The following PRKG1 variants were observed in gnomAD, a reference collection of about 807,000 sequenced individuals.
The protein encoded by PRKG1 is cGMP-dependent protein kinase 1.
PRKG1 carries 35 observed loss-of-function variants against 88.1 expected under a neutral mutation model. The ratio of observed to expected loss-of-function variants is 0.40; its 90% CI spans 0.30 to 0.53. PRKG1 has a LOEUF of 0.53. Among genes scored for constraint, PRKG1 ranks in the 20% least tolerant of loss-of-function variants. The pLI is 0.59. For missense variants in PRKG1, 540 were observed against 839.8 expected (o/e 0.64, Z 4.41); for synonymous variants, 303 against 292.5 (o/e 1.04, Z -0.37).
At chr10:51,459,927 C>T (rs143991045) in intron 2 of PRKG1, among the ~76,000 whole-genome samples, 1 of 152,230 alleles carries the variant, frequency 6.6e-6, no homozygotes, top group African/African-American at 2.4e-5. Flanking sequence ...TTGTAATTTA[C>T]ATTTGGTGGA....
At chr10:51,295,887 A>G (rs2132229970) in intron 2 of PRKG1, among the ~76,000 whole-genome samples, 1 of 152,284 alleles carries the variant, frequency 6.6e-6, no homozygotes, top group Non-Finnish European at 1.5e-5. Context: ...TCATGAAAGA[A>G]TGATGAACTT....
intron 1 of PRKG1, among the ~76,000 whole-genome samples, chr10:51,125,812 TA>T (rs1262647052): frequency 2.1e-5 from 3 of 143,614 alleles, no homozygotes; most frequent in South Asian, 4.2e-4. Context: ...TAAATTTATT[TA>T]AAAATTATAA....
At position 52,054,201 on chromosome 10, in the gene PRKG1, A is replaced by G. The variant is rs143782674; in HGVS notation, c.763-283A>G. ...AAAATGAGCATTATAGCACACCAGCATGGCACATGCATACATATGTAACTA... is the reference window on the plus strand; with the variant it reads ...AAAATGAGCATTATAGCACACCAGCGTGGCACATGCATACATATGTAACTA... On this transcript the variant is annotated intron_variant, in intron 5 of 17. Transcript: ENST00000373980. Among the ~76,000 whole-genome samples, 1,714 of 152,344 alleles carry G rather than the reference A, an allele frequency of 0.011. 42 individuals carry two copies. The highest frequency in any genetic ancestry group is 0.038 in the African/African-American group (1,573 of 41,580).
At chr10:51,556,786 T>C (rs1490943935) in intron 3 of PRKG1, among the ~76,000 whole-genome samples, 2 of 152,016 alleles carry the variant, frequency 1.3e-5, no homozygotes, top group African/African-American at 4.8e-5. Context: ...GGTCACTACC[T>C]GGGCAACAGG....
rs1276404605 is a variant in PRKG1, at chr10:51,544,204, TC to T, written c.592+76373del. On this transcript the variant is annotated intron_variant, in intron 3 of 17. Coordinates refer to ENST00000373980, the MANE Select transcript of PRKG1 (RefSeq NM_006258.4). ...TTCTCCTAATGCTATCCCTCCCCCC[TC>T]CCCCACCACCCCAAAACAGGCCCCA... is the stretch of plus-strand genomic sequence containing the variant. Among the ~76,000 whole-genome samples the T allele has an allele frequency of 0.026, 618 of 23,946 alleles. 18 individuals are homozygous for T. The East Asian group carries it at 0.32, about 12-fold the overall frequency. The allele number at this position is 23,946 out of a possible 152,430, so 15.7% of individuals were successfully genotyped here.
At chr10:51,695,183 G>C (rs905597972) in intron 3 of PRKG1, among the ~76,000 whole-genome samples, 1 of 152,148 alleles carries the variant, frequency 6.6e-6, no homozygotes, top group Non-Finnish European at 1.5e-5. Flanking sequence ...AATGTTGTCA[G>C]TAATGAAGAT....
rs141957355 is a variant in PRKG1, at chr10:51,629,548, C to T, written c.592+161712C>T. On this transcript the variant is annotated intron_variant, in intron 3 of 17. Coordinates refer to ENST00000373980, the MANE Select transcript of PRKG1 (RefSeq NM_006258.4). ...TTTGATTGCTGTCGCTGCAGAAAAC[C>T]CTGCTTCACAAACATAAGATGTTGG... Among the ~76,000 whole-genome samples the T allele has an allele frequency of 3.3e-3, 495 of 151,954 alleles. 1 individual carries two copies. The highest frequency in any genetic ancestry group is 0.011 in the African/African-American group (468 of 41,432).
intron 8 of PRKG1, among the ~76,000 whole-genome samples, chr10:52,141,160 T>A (rs1009872173): frequency 6.6e-6 from 1 of 152,110 alleles, no homozygotes; most frequent in Non-Finnish European, 1.5e-5. Context: ...TCTCAAAAAA[T>A]GTGTATTAAG....
Position 52,295,377 on chromosome 10 carries a change from A to T in PRKG1, c.*1477A>T, listed in dbSNP as rs1236941335. 2 of 152,036 alleles carry T rather than the reference A, an allele frequency of 1.3e-5. No individual in the cohort carries two copies. The highest frequency in any genetic ancestry group is 3.9e-4 in the East Asian group (2 of 5,190). 9.4% of individuals were successfully genotyped at this position (152,036 alleles called of 1,614,324 possible). On this transcript the variant is annotated 3_prime_UTR_variant, in exon 18 of 18. Transcript: ENST00000373980. ...AAAATAGAATTACTACAATTCTGCAATTTCATACTACCTAAAAAAGACTAG... is the reference window on the plus strand; with the variant it reads ...AAAATAGAATTACTACAATTCTGCATTTTCATACTACCTAAAAAAGACTAG...
chr10:52,220,443 G>T (rs1039886045), intron 9 of PRKG1, among the ~76,000 whole-genome samples: 1 of 151,946 alleles, frequency 6.6e-6, no homozygotes, highest in Non-Finnish European at 1.5e-5. Context: ...AAGTTCAGGG[G>T]TGCATGTGCA....
upstream of PRKG1, among the ~76,000 whole-genome samples, chr10:51,070,417 A>T (rs1253238039): frequency 6.6e-6 from 1 of 152,114 alleles, no homozygotes; most frequent in African/African-American, 2.4e-5. Flanking sequence ...TGTTACTTTT[A>T]GCAATCTTCT....
intron 2 of PRKG1, among the ~76,000 whole-genome samples, chr10:51,399,943 A>G (rs577509343): frequency 4.6e-5 from 7 of 152,188 alleles, no homozygotes. Flanking sequence ...TTTTGGCTGT[A>G]GGAGTTCTGG....
intron 14 of PRKG1, among the ~76,000 whole-genome samples, chr10:52,288,232 C>T (rs767415900): frequency 6.6e-6 from 1 of 151,970 alleles, no homozygotes; most frequent in Non-Finnish European, 1.5e-5. Flanking sequence ...CCTTCCAGAC[C>T]AAATAAGTAA....
chr10:51,555,797 A>G (rs1456083557), intron 3 of PRKG1, among the ~76,000 whole-genome samples: 3 of 151,950 alleles, frequency 2.0e-5, no homozygotes, highest in African/African-American at 7.2e-5. Context: ...AGGAAGGGTT[A>G]CTTTTGCTTC....
chr10:51,294,469 A>G (rs937007378), intron 2 of PRKG1, among the ~76,000 whole-genome samples: 3 of 146,064 alleles, frequency 2.1e-5, no homozygotes, highest in African/African-American at 7.5e-5. Flanking sequence ...TATTTAGGAG[A>G]CCATCCTTTC....
chr10:52,052,449 A>G (rs1846010951), intron 5 of PRKG1, among the ~76,000 whole-genome samples: 1 of 151,826 alleles, frequency 6.6e-6, no homozygotes, highest in Admixed American at 6.6e-5. Context: ...TAATAATTAA[A>G]TTAACTAGGC....
intron 7 of PRKG1, among the ~76,000 whole-genome samples, chr10:52,071,714 C>A (rs1025731339): frequency 6.6e-6 from 1 of 152,008 alleles, no homozygotes; most frequent in Non-Finnish European, 1.5e-5. Flanking sequence ...ACCACATACC[C>A]ATTTTCAGTG....
Position 51,139,274 on chromosome 10 carries a change from A to G in PRKG1, c.312-13890A>G, listed in dbSNP as rs113841890. ...AGCACAGTGGAGAGCAGTGTTTATTATTGCTAGACTGAAGCACAATATTCA... is the reference window on the plus strand; with the variant it reads ...AGCACAGTGGAGAGCAGTGTTTATTGTTGCTAGACTGAAGCACAATATTCA... On this transcript the variant is annotated intron_variant, in intron 1 of 17. Transcript: ENST00000373980. Among the ~76,000 whole-genome samples the G allele has an allele frequency of 8.2e-3, 1,256 of 152,340 alleles. 14 individuals carry two copies. The highest frequency in any genetic ancestry group is 0.012 in the Non-Finnish European group (790 of 68,032).
chr10:51,826,136 A>G (rs1839876180), intron 4 of PRKG1, among the ~76,000 whole-genome samples: 1 of 152,112 alleles, frequency 6.6e-6, no homozygotes, highest in African/African-American at 2.4e-5. Context: ...GCTGGAGAAA[A>G]TGTGATAGCC....
Sources: allele counts gnomAD v4.1 joint callset (sites outside exome capture counted in the v4.1 genomes callset), GRCh38; gene constraint gnomAD v4.1.1; transcripts MANE v1.5; gene names NCBI Gene and HGNC (gene_info 2026-07-23, HGNC 2026-07-21).